Variants in FAM184A observed in about 807,000 individuals in gnomAD.
FAM184A encodes protein FAM184A.
FAM184A carries 99 observed loss-of-function variants against 143.8 expected under a neutral mutation model. The ratio of observed to expected loss-of-function variants is 0.69; its 90% CI spans 0.58 to 0.81. The LOEUF is 0.81. Among genes scored for constraint, FAM184A ranks in the 40% least tolerant of loss-of-function variants. The pLI is 0.00. For synonymous variants in FAM184A, 427 were observed against 446.4 expected (o/e 0.96, Z 0.55); for missense variants, 1,217 against 1,310.5 (o/e 0.93, Z 1.10).
At chr6:119,105,719 T>C (rs181144286) in intron 1 of FAM184A, among the ~76,000 whole-genome samples, 1 of 152,350 alleles carries the variant, frequency 6.6e-6, no homozygotes, top group East Asian at 1.9e-4. Context: ...ACCTTCAGTT[T>C]TGAGCTATGT....
At chr6:119,008,274 C>A (rs181704746) in intron 6 of FAM184A, among the ~76,000 whole-genome samples, 1 of 152,296 alleles carries the variant, frequency 6.6e-6, no homozygotes, top group Non-Finnish European at 1.5e-5. Context: ...TGAAGTGCTT[C>A]ATTGAAACGT....
chr6:119,004,097 G>A (rs747301419), intron 7 of FAM184A, among the ~76,000 whole-genome samples: 14 of 152,170 alleles, frequency 9.2e-5, no homozygotes, highest in Non-Finnish European at 1.6e-4. Context: ...TTTTTATTAT[G>A]TAACTGCAAA....
intron 1 of FAM184A, among the ~76,000 whole-genome samples, chr6:119,029,852 C>T (rs1785804942): frequency 6.6e-6 from 1 of 151,982 alleles, no homozygotes; most frequent in Admixed American, 6.5e-5. Context: ...CAGTTATGTC[C>T]ACTTGTTTAT....
chr6:118,969,311 A>G (rs569926160), intron 14 of FAM184A, among the ~76,000 whole-genome samples: 1 of 152,332 alleles, frequency 6.6e-6, no homozygotes, highest in South Asian at 2.1e-4. Flanking sequence ...GACTAATACA[A>G]TATTTTTACA....
intron 1 of FAM184A, among the ~76,000 whole-genome samples, chr6:119,044,718 C>G (rs941300907): frequency 6.6e-6 from 1 of 151,792 alleles, no homozygotes; most frequent in Non-Finnish European, 1.5e-5. Context: ...CTTACATGCC[C>G]CAAATAATTT....
chr6:119,050,614 G>A (rs1443265577), intron 1 of FAM184A, among the ~76,000 whole-genome samples: 1 of 151,726 alleles, frequency 6.6e-6, no homozygotes, highest in Non-Finnish European at 1.5e-5. Flanking sequence ...AGACCATCCT[G>A]GCTAACAAGG....
intron 1 of FAM184A, among the ~76,000 whole-genome samples, chr6:119,111,746 A>G (rs564178309): frequency 6.6e-6 from 1 of 152,324 alleles, no homozygotes; most frequent in East Asian, 1.9e-4. Context: ...AGTTTAATGT[A>G]CTACGAAAAA....
intron 10 of FAM184A, among the ~76,000 whole-genome samples, 189 bp downstream of exon 10, chr6:118,979,949 C>T (rs1783970394): frequency 1.3e-5 from 2 of 151,862 alleles, no homozygotes; most frequent in Admixed American, 1.3e-4. Flanking sequence ...ATTCAGGAGG[C>T]TGAGGTGGAA....
chr6:119,129,783 G>A (rs10223503), intron 1 of FAM184A, among the ~76,000 whole-genome samples: 5,375 of 151,956 alleles, frequency 0.035, 318 homozygotes, highest in African/African-American at 0.12. Context: ...ATTTTTTAGA[G>A]CAATTTTAGG....
intron 1 of FAM184A, among the ~76,000 whole-genome samples, chr6:119,055,053 C>T (rs1786908613): frequency 6.6e-6 from 1 of 152,116 alleles, no homozygotes; most frequent in African/African-American, 2.4e-5. Flanking sequence ...TTCCCACTCC[C>T]CCTTCTCCTC....
chr6:118,971,744 A>G (rs1372197330), intron 14 of FAM184A, among the ~76,000 whole-genome samples: 1 of 152,198 alleles, frequency 6.6e-6, no homozygotes, highest in Admixed American at 6.5e-5. Flanking sequence ...AGCAATATAG[A>G]ACTCATCACC....
chr6:119,111,292 A>G (rs2114848205), intron 1 of FAM184A, among the ~76,000 whole-genome samples: 1 of 152,334 alleles, frequency 6.6e-6, no homozygotes, highest in Non-Finnish European at 1.5e-5. Flanking sequence ...TTTCACTTAT[A>G]TGAGATTCTC....
rs539868630 is a variant in FAM184A, at chr6:119,127,321, G to A, written c.-202+21757C>T. On this transcript the variant is annotated intron_variant, in intron 1 of 16. Transcript: ENST00000352896. ...TGTTTGATTGAAAAACTGGGAAAAG[G>A]TGTGTGCACACTAGTGGTGGTGAGG... 3.9e-5 allele frequency among the ~76,000 whole-genome samples: 6 copies of A among 152,254 alleles called. No individual in the cohort carries two copies. The South Asian group carries it at 1.2e-3, about 32-fold the overall frequency.
chr6:119,034,041 T>TATATAG (rs1409214932), intron 1 of FAM184A, among the ~76,000 whole-genome samples: 21 of 41,994 alleles, frequency 5.0e-4, no homozygotes, highest in African/African-American at 1.7e-3. Flanking sequence ...TATATATATA[T>TATATAG]AGAGAGAGAG....
At chr6:119,083,804 T>C (rs1281514645) in intron 1 of FAM184A, among the ~76,000 whole-genome samples, 1 of 152,200 alleles carries the variant, frequency 6.6e-6, no homozygotes, top group Non-Finnish European at 1.5e-5. Context: ...TATCTTCCTC[T>C]GAGCCCTCCA....
At chr6:119,022,127 C>T (rs1025306177) in intron 3 of FAM184A, among the ~76,000 whole-genome samples, 2 of 138,318 alleles carry the variant, frequency 1.4e-5, no homozygotes, top group African/African-American at 2.7e-5. Flanking sequence ...GGCGCAATCT[C>T]GGCTCACTGC....
intron 1 of FAM184A, among the ~76,000 whole-genome samples, chr6:119,091,765 A>C (rs550664601): frequency 2.0e-5 from 3 of 152,288 alleles, no homozygotes; most frequent in East Asian, 3.9e-4. Context: ...TTTGCCCCTA[A>C]GTTCTTGGCT....
intron 1 of FAM184A, among the ~76,000 whole-genome samples, chr6:119,144,972 G>A (rs567921632): frequency 1.3e-5 from 2 of 152,234 alleles, no homozygotes; most frequent in East Asian, 1.9e-4. Flanking sequence ...CAACATCATC[G>A]CGTTATGTGA....
Position 119,024,017 on chromosome 6 carries a change from A to G in FAM184A, c.956T>C (p.Leu319Pro), listed in dbSNP as rs745612330. The G allele has an allele frequency of 1.2e-6, 2 of 1,610,302 alleles. No homozygotes were observed. The highest frequency in any genetic ancestry group is 2.2e-5 in the South Asian group (2 of 90,266). ...CTGAAGCTTTTGGCATTTGTCAAGA[A>G]GACTTCCAGCTTCATCCTGTACCAT... ...LQMVQDEAGS[L>P]LDKCQKLQTA... is the part of the protein sequence containing the mutation. Residue 319 changes from leucine to proline, a missense_variant, in exon 2 of 18, where the codon CTT (leucine) becomes CCT (proline). By Grantham distance (98) the Leu-to-Pro change is moderately conservative. Coordinates refer to ENST00000338891, the MANE Select transcript of FAM184A (RefSeq NM_024581.6).
Sources: gnomAD v4.1 joint callset for allele counts (sites outside exome capture counted in the v4.1 genomes callset) on GRCh38, gnomAD v4.1.1 for gene constraint, MANE v1.5 for transcripts, NCBI Gene and HGNC (gene_info 2026-07-23, HGNC 2026-07-21) for gene names.